Variants in GRM5 observed in about 807,000 individuals in gnomAD.
The protein encoded by GRM5 is metabotropic glutamate receptor 5.
Under a neutral mutation model 83.1 loss-of-function variants are expected in GRM5, and 19 were observed. The observed-to-expected ratio is 0.23, with a 90% CI of 0.16 to 0.34. GRM5 has a LOEUF of 0.34. Among genes scored for constraint, GRM5 ranks in the 10% least tolerant of loss-of-function variants. The pLI is 1.00. For missense variants in GRM5, 1,160 were observed against 1,588.3 expected (o/e 0.73, Z 4.58); for synonymous variants, 675 against 633.6 (o/e 1.07, Z -0.98).
rs376458268 is a variant in GRM5, at chr11:88,798,292, G to C, written c.911+51614C>G. Among the ~76,000 whole-genome samples the C allele has an allele frequency of 1.1e-3, 167 of 152,160 alleles. 1 individual carries two copies. The highest frequency in any genetic ancestry group is 3.7e-3 in the African/African-American group (152 of 41,544). The stretch of plus-strand genomic sequence containing the variant: ...TTCATTTGTCTGAAAAATGCCTTGA[G>C]GGCAGGCACTATGTCCAATTAATCT... On this transcript the variant is annotated intron_variant, in intron 3 of 9. Transcript: ENST00000305447.
At chr11:88,695,374 C>T (rs1272974932) in intron 3 of GRM5, among the ~76,000 whole-genome samples, 1 of 152,198 alleles carries the variant, frequency 6.6e-6, no homozygotes, top group East Asian at 1.9e-4. Context: ...AGCTGTCCTA[C>T]TTGCTTTGTA....
intron 4 of GRM5, among the ~76,000 whole-genome samples, chr11:88,648,278 A>T (rs1192705402): frequency 1.3e-5 from 2 of 149,524 alleles, no homozygotes; most frequent in Non-Finnish European, 3.0e-5. Context: ...GATAGACTGG[A>T]TTAAGAAAAT....
chr11:88,660,537 G>A (rs969710665), intron 3 of GRM5, among the ~76,000 whole-genome samples: 2 of 152,106 alleles, frequency 1.3e-5, no homozygotes, highest in African/African-American at 4.8e-5. Context: ...GTACCCAAAG[G>A]AGCAATACCA....
intron 7 of GRM5, among the ~76,000 whole-genome samples, chr11:88,573,557 A>T (rs56154740): frequency 6.6e-6 from 1 of 152,288 alleles, no homozygotes; most frequent in Non-Finnish European, 1.5e-5. Flanking sequence ...TCTGAGAATA[A>T]GATGTATGTG....
intron 8 of GRM5, among the ~76,000 whole-genome samples, chr11:88,528,008 A>G (rs1941920775): frequency 6.6e-6 from 1 of 152,036 alleles, no homozygotes; most frequent in African/African-American, 2.4e-5. Context: ...GGGTGATGAA[A>G]TAATCTGCAT....
intron 3 of GRM5, among the ~76,000 whole-genome samples, chr11:88,809,695 C>G (rs541157313): frequency 2.4e-4 from 36 of 151,296 alleles, no homozygotes; most frequent in African/African-American, 8.5e-4. Flanking sequence ...GCATTAAAGA[C>G]ATGTAAGATA....
At chr11:88,593,517 A>T (rs917157234) in intron 6 of GRM5, among the ~76,000 whole-genome samples, 1 of 151,730 alleles carries the variant, frequency 6.6e-6, no homozygotes, top group African/African-American at 2.4e-5. Context: ...CTCTACTAAA[A>T]ATACAAAAAC....
At chr11:88,712,899 T>C (rs1298507624) in intron 3 of GRM5, among the ~76,000 whole-genome samples, 1 of 152,130 alleles carries the variant, frequency 6.6e-6, no homozygotes, top group African/African-American at 2.4e-5. Flanking sequence ...CTGTTTACTG[T>C]ATTTGACAAA....
intron 2 of GRM5, among the ~76,000 whole-genome samples, chr11:89,016,544 ACTGT>A (rs1397373921): frequency 3.3e-5 from 5 of 152,270 alleles, no homozygotes; most frequent in Middle Eastern, 3.4e-3. Context: ...CTTTATATAC[ACTGT>A]CTGTTGTTAT....
intron 4 of GRM5, among the ~76,000 whole-genome samples, chr11:88,611,479 C>T (rs11499639): frequency 0.22 from 33,130 of 151,988 alleles, 3,622 homozygotes; most frequent in Middle Eastern, 0.26. Flanking sequence ...CCTATTTCTC[C>T]TAGGTTTTCT....
At chr11:88,736,424 G>A (rs1003021257) in intron 3 of GRM5, among the ~76,000 whole-genome samples, 1 of 151,966 alleles carries the variant, frequency 6.6e-6, no homozygotes, top group African/African-American at 2.4e-5. Context: ...GTATCTCTTT[G>A]CAAGTGGCTA....
chr11:88,910,845 A>AT (rs5793356), intron 2 of GRM5, among the ~76,000 whole-genome samples: 17 of 150,972 alleles, frequency 1.1e-4, no homozygotes, highest in Non-Finnish European at 2.1e-4. Flanking sequence ...TGTAGAACGT[A>AT]TTTTTTTTTT....
chr11:88,928,485 T>C (rs1305814533), intron 2 of GRM5, among the ~76,000 whole-genome samples: 1 of 10,828 alleles, frequency 9.2e-5, no homozygotes, highest in Non-Finnish European at 4.1e-4. Context: ...TATATATATG[T>C]ATATATGTAT....
chr11:88,716,153 A>C (rs1941395972), intron 3 of GRM5, among the ~76,000 whole-genome samples: 1 of 152,022 alleles, frequency 6.6e-6, no homozygotes, highest in Non-Finnish European at 1.5e-5. Flanking sequence ...GGTCAAGGGC[A>C]GCTTGGGCCA....
Position 89,064,834 on chromosome 11 carries a change from C to G in GRM5, c.-201+942G>C, listed in dbSNP as rs61903378. 2.2e-5 allele frequency among the ~76,000 whole-genome samples: 3 copies of G among 139,164 alleles called. No individual in the cohort carries two copies. In the South Asian group the frequency reaches 7.3e-4, roughly 34 times the overall value. The allele number at this position is 139,164 out of a possible 152,430, so 91.3% of individuals were successfully genotyped here. A position where few individuals can be genotyped will look rare whatever the true frequency, so the allele number is the denominator to read the frequency against. ...CAGGCATATTCAGCTCCCTTCTCTT[C>G]CCTGTATTCATTTTTCATATTCTCT... On this transcript the variant is annotated intron_variant, in intron 1 of 9. Transcript: ENST00000305447.
At chr11:89,062,182 T>C (rs1367282678) in intron 1 of GRM5, among the ~76,000 whole-genome samples, 1 of 152,188 alleles carries the variant, frequency 6.6e-6, no homozygotes, top group Non-Finnish European at 1.5e-5. Context: ...CACAATTGAT[T>C]CTTACATGTG....
At chr11:88,627,433 C>T (rs1003462559) in intron 4 of GRM5, among the ~76,000 whole-genome samples, 1 of 152,158 alleles carries the variant, frequency 6.6e-6, no homozygotes, top group Non-Finnish European at 1.5e-5. Context: ...CTGAAAGATG[C>T]ACATTAGGGA....
chr11:88,638,248 A>G (rs1939193729), intron 4 of GRM5, among the ~76,000 whole-genome samples: 1 of 151,794 alleles, frequency 6.6e-6, no homozygotes, highest in South Asian at 2.1e-4. Flanking sequence ...TGGCACATGT[A>G]TACATATGTA....
At chr11:89,034,238 T>A (rs951462786) in intron 2 of GRM5, among the ~76,000 whole-genome samples, 1 of 151,870 alleles carries the variant, frequency 6.6e-6, no homozygotes, top group Non-Finnish European at 1.5e-5. Flanking sequence ...AGACTTCGTA[T>A]CTCAAAGGGA....
Sources: gnomAD v4.1 joint callset for allele counts (sites outside exome capture counted in the v4.1 genomes callset) on GRCh38, gnomAD v4.1.1 for gene constraint, MANE v1.5 for transcripts, NCBI Gene and HGNC (gene_info 2026-07-23, HGNC 2026-07-21) for gene names.